Variants in PCDH7 observed in about 807,000 individuals in gnomAD.
The protein encoded by PCDH7 is protocadherin-7.
Under a neutral mutation model 58.9 loss-of-function variants are expected in PCDH7, and 17 were observed. That is an observed-to-expected ratio of 0.29 (90% CI 0.20 to 0.43). The LOEUF is 0.43. Ranked by LOEUF, PCDH7 falls within the 20% of genes least tolerant of loss-of-function variation. PCDH7 has a pLI of 1.00. For missense variants in PCDH7, 1,274 were observed against 1,441.0 expected, an observed-to-expected ratio of 0.88 and a Z score of 1.88; for synonymous variants, 664 against 616.4, an observed-to-expected ratio of 1.08 and a Z score of -1.14.
intron 3 of PCDH7, among the ~76,000 whole-genome samples, chr4:31,021,240 C>T (rs1753993671): frequency 6.6e-6 from 1 of 152,136 alleles, no homozygotes; most frequent in South Asian, 2.1e-4. Context: ...CATTAAGACA[C>T]TTTCAGTTGT....
intron 3 of PCDH7, among the ~76,000 whole-genome samples, chr4:31,136,865 A>G (rs969408256): frequency 6.6e-6 from 1 of 151,936 alleles, no homozygotes; most frequent in Non-Finnish European, 1.5e-5. Context: ...TTTATTAACT[A>G]TGATAATAAT....
At chr4:31,146,755 G>C (rs894752233), downstream of PCDH7, 2 of 152,090 alleles carry the variant, frequency 1.3e-5, no homozygotes, top group African/African-American at 4.8e-5. Context: ...TAAATTGCTT[G>C]TCATTTTTGT....
At chr4:30,809,656 C>T (rs1432826865) in intron 1 of PCDH7, among the ~76,000 whole-genome samples, 1 of 152,104 alleles carries the variant, frequency 6.6e-6, no homozygotes, top group African/African-American at 2.4e-5. Context: ...AGACTTGCTC[C>T]AGCCCTACGT....
chr4:31,009,045 G>A (rs1289114774), intron 3 of PCDH7, among the ~76,000 whole-genome samples: 2 of 152,064 alleles, frequency 1.3e-5, no homozygotes, highest in African/African-American at 2.4e-5. Flanking sequence ...TCAGGATAAA[G>A]AGAAATTTGG....
At chr4:31,016,449 G>A (rs188631915) in intron 3 of PCDH7, among the ~76,000 whole-genome samples, 152 of 150,096 alleles carry the variant, frequency 1.0e-3, no homozygotes, top group African/African-American at 3.6e-3. Context: ...AGACAGGAGA[G>A]GGGGAAAGGC....
At chr4:30,861,022 A>C (rs1734129025) in intron 1 of PCDH7, among the ~76,000 whole-genome samples, 1 of 152,180 alleles carries the variant, frequency 6.6e-6, no homozygotes, top group African/African-American at 2.4e-5. Flanking sequence ...TTGCATGGAC[A>C]TTTGCAGTTT....
At chr4:30,809,143 A>G (rs187639476) in intron 1 of PCDH7, among the ~76,000 whole-genome samples, 1 of 152,228 alleles carries the variant, frequency 6.6e-6, no homozygotes, top group African/African-American at 2.4e-5. Context: ...ATCAAATTGG[A>G]TTAGCGACAT....
At chr4:30,894,046 C>A (rs1272879331) in intron 1 of PCDH7, among the ~76,000 whole-genome samples, 1 of 152,066 alleles carries the variant, frequency 6.6e-6, no homozygotes. Flanking sequence ...GCAAACTTCC[C>A]CAAATTTTCT....
intron 1 of PCDH7, among the ~76,000 whole-genome samples, chr4:30,756,053 T>C (rs1719253085): frequency 6.6e-6 from 1 of 152,076 alleles, no homozygotes; most frequent in South Asian, 2.1e-4. Context: ...CACTCCAGCC[T>C]GGTGACAGAG....
chr4:30,950,634 T>C (rs948035605), intron 3 of PCDH7, among the ~76,000 whole-genome samples: 4 of 152,338 alleles, frequency 2.6e-5, no homozygotes, highest in Non-Finnish European at 5.9e-5. Context: ...TCAAAAGCAT[T>C]GCACAAAATT....
chr4:30,986,491 T>C (rs1433100604), intron 3 of PCDH7, among the ~76,000 whole-genome samples: 2 of 152,120 alleles, frequency 1.3e-5, no homozygotes, highest in Non-Finnish European at 2.9e-5. Flanking sequence ...ATAGATATTG[T>C]AGCAAATCTG....
At chr4:31,062,877 A>C (rs1757796573) in intron 3 of PCDH7, among the ~76,000 whole-genome samples, 1 of 151,712 alleles carries the variant, frequency 6.6e-6, no homozygotes, top group Non-Finnish European at 1.5e-5. Context: ...GGAACCACCA[A>C]GTTTTGTTGC....
intron 1 of PCDH7, among the ~76,000 whole-genome samples, chr4:30,856,789 A>C (rs1165158278): frequency 6.6e-6 from 1 of 151,868 alleles, no homozygotes; most frequent in Non-Finnish European, 1.5e-5. Flanking sequence ...AGAGGTGTAC[A>C]TATATGCAAC....
At chr4:30,873,889 G>A (rs1286346060) in intron 1 of PCDH7, among the ~76,000 whole-genome samples, 2 of 151,890 alleles carry the variant, frequency 1.3e-5, no homozygotes, top group African/African-American at 4.8e-5. Context: ...CTAAAAGTCT[G>A]AATTTAATTT....
intron 3 of PCDH7, among the ~76,000 whole-genome samples, chr4:31,018,234 C>G (rs968442171): frequency 6.6e-6 from 1 of 152,184 alleles, no homozygotes; most frequent in East Asian, 1.9e-4. Context: ...CACTACTTAT[C>G]TCATTTTTAT....
At chr4:31,106,824 A>G (rs902102818) in intron 3 of PCDH7, among the ~76,000 whole-genome samples, 2 of 152,234 alleles carry the variant, frequency 1.3e-5, no homozygotes, top group African/African-American at 2.4e-5. Context: ...TTCTGGAAGT[A>G]GCATGTGGTG....
chr4:30,805,087 A>G (rs1396652866), intron 1 of PCDH7, among the ~76,000 whole-genome samples: 1 of 152,204 alleles, frequency 6.6e-6, no homozygotes, highest in African/African-American at 2.4e-5. Flanking sequence ...AGCACTTTGT[A>G]TCACTCTATT....
At chr4:30,870,637 T>C (rs1735460012) in intron 1 of PCDH7, among the ~76,000 whole-genome samples, 1 of 152,156 alleles carries the variant, frequency 6.6e-6, no homozygotes, top group Non-Finnish European at 1.5e-5. Flanking sequence ...TCTAGATGTG[T>C]TATTGCCTCC....
At chr4:30,854,575 G>A (rs1276491773) in intron 1 of PCDH7, among the ~76,000 whole-genome samples, 1 of 151,706 alleles carries the variant, frequency 6.6e-6, no homozygotes, top group Non-Finnish European at 1.5e-5. Context: ...TTTTTTAAAG[G>A]GAAAAAACAC....
Sources: gnomAD v4.1 joint callset for allele counts (sites outside exome capture counted in the v4.1 genomes callset) on GRCh38, gnomAD v4.1.1 for gene constraint, MANE v1.5 for transcripts, NCBI Gene and HGNC (gene_info 2026-07-23, HGNC 2026-07-21) for gene names.